The following STARD10 variants were observed in gnomAD, a reference collection of about 807,000 sequenced individuals.
STARD10 encodes START domain-containing protein 10.
STARD10 carries 24 observed loss-of-function variants against 36.0 expected under a neutral mutation model. That is an observed-to-expected ratio of 0.67 (90% CI 0.48 to 0.94). STARD10 has a LOEUF of 0.94. STARD10 is among the 40% of genes least tolerant of loss of function. The pLI is 0.00. For missense variants in STARD10, 335 were observed against 396.6 expected, an observed-to-expected ratio of 0.84 and a Z score of 1.32; for synonymous variants, 156 against 161.9, an observed-to-expected ratio of 0.96 and a Z score of 0.28.
chr11:72,759,716 G>A lies in STARD10; in HGVS notation c.208-335C>T, dbSNP rs78831603. Among the ~76,000 whole-genome samples, 668 of 152,232 alleles carry A rather than the reference G, an allele frequency of 4.4e-3. 3 individuals are homozygous for A. Among genetic ancestry groups the A allele is most frequent in the African/African-American group, 0.015 (640 of 41,534 alleles). ...CCTCCCAGACCCCTGTGAGCTCCTC[G>A]TGGGCAGAGGCTCATGGTTGCTTCA... On this transcript the variant is annotated intron_variant, in intron 2 of 6. Transcript: ENST00000334805.
intron 2 of STARD10, among the ~76,000 whole-genome samples, chr11:72,763,974 A>G (rs1344266120): frequency 1.3e-5 from 2 of 152,220 alleles, no homozygotes; most frequent in African/African-American, 4.8e-5. Context: ...CAGGGACTCA[A>G]AATCGGATCT....
intron 1 of STARD10, among the ~76,000 whole-genome samples, chr11:72,789,023 C>A (rs149217211): frequency 6.7e-6 from 1 of 149,806 alleles, no homozygotes; most frequent in Admixed American, 6.7e-5. Context: ...GCCCAGCTAA[C>A]TTTGTAATTT....
intron 2 of STARD10, among the ~76,000 whole-genome samples, chr11:72,775,900 T>C (rs141855413): frequency 4.1e-4 from 62 of 152,184 alleles, no homozygotes; most frequent in African/African-American, 1.4e-3. Flanking sequence ...TGGATCCTGG[T>C]GTTCTTTCCC....
rs976894525 is a variant in STARD10 at position 72,759,509 on chromosome 11, C to T, written c.208-128G>A. 1.2e-5 allele frequency: 14 copies of T among 1,136,902 alleles called. No individual in the cohort carries two copies. In the African/African-American group the frequency reaches 2.0e-4, roughly 16 times the overall value. 70.4% of individuals were successfully genotyped at this position (1,136,902 alleles called of 1,614,324 possible). A position where few individuals can be genotyped will look rare whatever the true frequency, so the allele number is the denominator to read the frequency against. ...AGCAAAGAACAGGGGCCTCTGAAAC[C>T]AGCATGGACTTCCTTCTTGCCACAA... is the stretch of plus-strand genomic sequence containing the variant. On this transcript the variant is annotated intron_variant, in intron 2 of 6. Coordinates refer to ENST00000334805, the MANE Select transcript of STARD10 (RefSeq NM_006645.3).
At chr11:72,757,965 G>T in intron 4 of STARD10, 81 bp from the exon 5 acceptor site, 1 of 1,140,842 alleles carries the variant, frequency 8.8e-7, no homozygotes, top group Non-Finnish European at 1.3e-6. Context: ...AAACGCGCAC[G>T]CGCACACACA....
chr11:72,764,158 C>G (rs1858755090), intron 2 of STARD10, among the ~76,000 whole-genome samples: 2 of 152,192 alleles, frequency 1.3e-5, no homozygotes, highest in African/African-American at 4.8e-5. Flanking sequence ...AGGTTAGAAT[C>G]CAACCTGGGA....
At chr11:72,768,146 C>T (rs553869608) in intron 2 of STARD10, among the ~76,000 whole-genome samples, 1 of 152,206 alleles carries the variant, frequency 6.6e-6, no homozygotes, top group Non-Finnish European at 1.5e-5. Context: ...TCACAGCCCA[C>T]AGCCAGGCCC....
intron 2 of STARD10, among the ~76,000 whole-genome samples, chr11:72,767,480 T>C (rs1170147359): frequency 2.0e-5 from 3 of 152,136 alleles, no homozygotes; most frequent in Non-Finnish European, 4.4e-5. Flanking sequence ...AGAGTCCAGG[T>C]GTGACTGACC....
Position 72,754,791 on chromosome 11 carries a change from G to T in STARD10, c.*106C>A. The stretch of plus-strand genomic sequence containing the variant: ...CAGGCTGCAGCACCCGCCTGGGCCT[G>T]GCCCGGTGCCACCAGGTGCCGGGTG... On this transcript the variant is annotated 3_prime_UTR_variant, in exon 7 of 7. Transcript: ENST00000334805. 1 of 1,487,238 alleles carries T rather than the reference G, an allele frequency of 6.7e-7. No homozygotes were observed. The highest frequency in any genetic ancestry group is 9.0e-7 in the Non-Finnish European group (1 of 1,107,272). 92.1% of individuals were successfully genotyped at this position (1,487,238 alleles called of 1,614,324 possible). A position where few individuals can be genotyped will look rare whatever the true frequency, so the allele number is the denominator to read the frequency against.
At chr11:72,765,649 G>A (rs901222815) in intron 2 of STARD10, among the ~76,000 whole-genome samples, 2 of 152,034 alleles carry the variant, frequency 1.3e-5, no homozygotes, top group Non-Finnish European at 2.9e-5. Context: ...ATGAGATAAC[G>A]CATGTAATAT....
chr11:72,783,371 C>A (rs755646094), intron 1 of STARD10, among the ~76,000 whole-genome samples: 14 of 152,124 alleles, frequency 9.2e-5, no homozygotes, highest in Non-Finnish European at 1.6e-4. Context: ...CAGATAATCA[C>A]CCCATCCCTT....
intron 2 of STARD10, among the ~76,000 whole-genome samples, chr11:72,776,278 C>T (rs1187526284): frequency 6.6e-6 from 1 of 152,196 alleles, no homozygotes; most frequent in African/African-American, 2.4e-5. Context: ...AGACCACCTG[C>T]CCAGCAACTT....
At chr11:72,780,517 C>G in intron 2 of STARD10, 1 of 378,506 alleles carries the variant, frequency 2.6e-6, no homozygotes, top group South Asian at 1.9e-5. Context: ...AGTAAGGAAT[C>G]GGGTCCTGGG....
intron 2 of STARD10, among the ~76,000 whole-genome samples, chr11:72,763,134 C>T (rs1164808724): frequency 1.3e-5 from 2 of 148,470 alleles, no homozygotes; most frequent in East Asian, 3.9e-4. Flanking sequence ...TGGGAAATCC[C>T]CCAGTCCCAG....
At chr11:72,765,741 C>T (rs562942737) in intron 2 of STARD10, among the ~76,000 whole-genome samples, 2 of 150,680 alleles carry the variant, frequency 1.3e-5, no homozygotes, top group African/African-American at 2.5e-5. Flanking sequence ...GAGGCCGAGG[C>T]GGGTGGATCA....
intron 2 of STARD10, among the ~76,000 whole-genome samples, chr11:72,768,952 C>T (rs1565241247): frequency 6.6e-6 from 1 of 152,210 alleles, no homozygotes; most frequent in Non-Finnish European, 1.5e-5. Flanking sequence ...ATGCTGGAGC[C>T]CTGGTCCGTG....
intron 5 of STARD10, among the ~76,000 whole-genome samples, chr11:72,756,502 A>G (rs971209676): frequency 1.9e-4 from 29 of 152,026 alleles, no homozygotes; most frequent in Admixed American, 3.3e-4. Context: ...ACTAGAGGGG[A>G]ATGGACTACA....
intron 1 of STARD10, among the ~76,000 whole-genome samples, chr11:72,785,413 C>A: frequency 6.6e-6 from 1 of 151,576 alleles, no homozygotes; most frequent in East Asian, 1.9e-4. Flanking sequence ...AAAAATACAA[C>A]AATTAGCCAG....
intron 1 of STARD10, among the ~76,000 whole-genome samples, chr11:72,789,493 G>A (rs558595941): frequency 2.6e-5 from 4 of 152,264 alleles, no homozygotes; most frequent in South Asian, 2.1e-4. Context: ...GCAGAGCTGC[G>A]AAAGGCCTGG....
Sources: gnomAD v4.1 joint callset for allele counts (sites outside exome capture counted in the v4.1 genomes callset) on GRCh38, gnomAD v4.1.1 for gene constraint, MANE v1.5 for transcripts, NCBI Gene and HGNC (gene_info 2026-07-23, HGNC 2026-07-21) for gene names.